GRIK2: variants seen among roughly 807,000 people sequenced by gnomAD.
GRIK2 encodes the protein glutamate ionotropic receptor kainate type subunit 2.
A neutral mutation model predicts 100.3 loss-of-function variants in GRIK2; 32 were observed. The observed-to-expected ratio is 0.32, with a 90% CI of 0.24 to 0.43. The LOEUF is 0.43. GRIK2 is among the 20% of genes least tolerant of loss of function. The probability of loss-of-function intolerance (pLI) is 1.00; values close to 1 mark genes in which losing one functional copy is unlikely to be tolerated. For missense variants in GRIK2, 843 were observed against 1,114.9 expected (o/e 0.76, Z 3.47); for synonymous variants, 417 against 389.4 (o/e 1.07, Z -0.83).
At chr6:102,031,762 C>T (rs1770013991) in intron 14 of GRIK2, among the ~76,000 whole-genome samples, 1 of 151,278 alleles carries the variant, frequency 6.6e-6, no homozygotes, top group Admixed American at 6.6e-5. Context: ...TAATGGCCTC[C>T]ATCCAGCTGC....
At chr6:101,926,397 T>C (rs990401755) in intron 13 of GRIK2, among the ~76,000 whole-genome samples, 3 of 152,102 alleles carry the variant, frequency 2.0e-5, no homozygotes, top group Admixed American at 2.0e-4. Flanking sequence ...GAGGGAGTTA[T>C]CCTCATAATA....
intron 7 of GRIK2, among the ~76,000 whole-genome samples, chr6:101,798,411 TAGTC>T (rs935982161): frequency 3.9e-5 from 6 of 151,968 alleles, no homozygotes; most frequent in African/African-American, 1.5e-4. Flanking sequence ...TATGTGAAAA[TAGTC>T]AGTAGAATTT....
intron 7 of GRIK2, among the ~76,000 whole-genome samples, chr6:101,747,237 C>T (rs988838646): frequency 1.3e-5 from 2 of 152,156 alleles, no homozygotes; most frequent in African/African-American, 2.4e-5. Flanking sequence ...TTTAAAGGAA[C>T]CCTTTAGCTT....
chr6:101,771,745 A>C (rs1778422360), intron 7 of GRIK2, among the ~76,000 whole-genome samples: 1 of 127,474 alleles, frequency 7.8e-6, no homozygotes, highest in African/African-American at 3.1e-5. Context: ...ATGTGTTCTC[A>C]TTGTTCAATT....
chr6:101,440,811 T>G (rs1438722854), intron 2 of GRIK2, among the ~76,000 whole-genome samples: 1 of 151,986 alleles, frequency 6.6e-6, no homozygotes, highest in African/African-American at 2.4e-5. Context: ...GCGCCCTTCC[T>G]CCTAAATACG....
At position 101,957,177 on chromosome 6, in the gene GRIK2, T is replaced by A. The variant is rs1228459335; in HGVS notation, c.2085+28545T>A. Among the ~76,000 whole-genome samples the A allele has an allele frequency of 2.0e-5, 3 of 152,030 alleles. No individual in the cohort carries two copies. In the East Asian group the frequency reaches 5.8e-4, roughly 29 times the overall value. ...CATGTGTTAATATTTGAGGTTTTAA[T>A]AATAGCCATTCTGTCTGGTGTACGA... On this transcript the variant is annotated intron_variant, in intron 14 of 16. Transcript: ENST00000369134.
intron 10 of GRIK2, among the ~76,000 whole-genome samples, chr6:101,827,287 T>G (rs1280762046): frequency 1.3e-5 from 2 of 151,846 alleles, no homozygotes; most frequent in Non-Finnish European, 1.5e-5. Context: ...TTAATAGACT[T>G]GAGGAAGAAA....
At chr6:101,559,034 C>A (rs1776873289) in intron 2 of GRIK2, among the ~76,000 whole-genome samples, 1 of 152,096 alleles carries the variant, frequency 6.6e-6, no homozygotes, top group Admixed American at 6.6e-5. Flanking sequence ...ATTTTTACTT[C>A]CTCTGTCTAG....
intron 2 of GRIK2, among the ~76,000 whole-genome samples, chr6:101,461,421 G>A (rs1771301363): frequency 6.6e-6 from 1 of 152,174 alleles, no homozygotes; most frequent in Non-Finnish European, 1.5e-5. Flanking sequence ...TGCAGCTAAA[G>A]GTTGTTCCAA....
At chr6:101,736,104 T>C (rs1775615143) in intron 7 of GRIK2, among the ~76,000 whole-genome samples, 1 of 152,172 alleles carries the variant, frequency 6.6e-6, no homozygotes, top group South Asian at 2.1e-4. Context: ...CCAGGTCATG[T>C]TGATGTAAGA....
intron 14 of GRIK2, among the ~76,000 whole-genome samples, chr6:101,954,682 T>TG (rs1419702468): frequency 1.3e-5 from 2 of 152,200 alleles, no homozygotes; most frequent in African/African-American, 4.8e-5. Flanking sequence ...CTTTCCAATC[T>TG]GGATGCCTTT....
intron 2 of GRIK2, among the ~76,000 whole-genome samples, chr6:101,526,655 G>C (rs1451201604): frequency 1.3e-5 from 2 of 152,114 alleles, no homozygotes; most frequent in Non-Finnish European, 2.9e-5. Context: ...GCTTAATGCT[G>C]CCTGTCACTT....
At chr6:101,766,227 T>A (rs2128394725) in intron 7 of GRIK2, among the ~76,000 whole-genome samples, 1 of 152,086 alleles carries the variant, frequency 6.6e-6, no homozygotes, top group Middle Eastern at 3.4e-3. Flanking sequence ...GGGCTTTTGT[T>A]CAGGTTGCTT....
chr6:102,038,348 A>G (rs1034188691), intron 15 of GRIK2, among the ~76,000 whole-genome samples: 1 of 151,378 alleles, frequency 6.6e-6, no homozygotes, highest in Non-Finnish European at 1.5e-5. Context: ...ATGTTTTAGT[A>G]TCATTTCTGA....
At chr6:101,627,117 CTGTGTGTGTGTGTGTG>C (rs111285339) in intron 4 of GRIK2, among the ~76,000 whole-genome samples, 1 of 144,962 alleles carries the variant, frequency 6.9e-6, no homozygotes, top group Non-Finnish European at 1.5e-5. Flanking sequence ...GTGTGTGTCT[CTGTGTGTGTGTGTGTG>C]TGTGTGTGTG....
At chr6:101,395,416 T>C (rs1774962709) in intron 1 of GRIK2, among the ~76,000 whole-genome samples, 1 of 152,150 alleles carries the variant, frequency 6.6e-6, no homozygotes, top group Non-Finnish European at 1.5e-5. Context: ...TAAGAACCTT[T>C]GAAACATCTT....
intron 14 of GRIK2, among the ~76,000 whole-genome samples, chr6:102,007,462 A>G (rs1412592294): frequency 6.6e-6 from 1 of 152,156 alleles, no homozygotes; most frequent in Non-Finnish European, 1.5e-5. Context: ...ACTTTGTGAC[A>G]GTACTCATTC....
intron 7 of GRIK2, among the ~76,000 whole-genome samples, chr6:101,781,676 T>C (rs1779105293): frequency 6.6e-6 from 1 of 152,178 alleles, no homozygotes; most frequent in Non-Finnish European, 1.5e-5. Flanking sequence ...TTACCTTTTC[T>C]GTTTCTAAAT....
intron 2 of GRIK2, among the ~76,000 whole-genome samples, chr6:101,500,274 T>A (rs1773677891): frequency 6.6e-6 from 1 of 152,124 alleles, no homozygotes; most frequent in Non-Finnish European, 1.5e-5. Context: ...AGTTTAGGGA[T>A]TCAAGATTCT....
Sources: allele counts gnomAD v4.1 joint callset (sites outside exome capture counted in the v4.1 genomes callset), GRCh38; gene constraint gnomAD v4.1.1; transcripts MANE v1.5; gene names NCBI Gene and HGNC (gene_info 2026-07-23, HGNC 2026-07-21).